COL10A1: variants seen among roughly 807,000 people sequenced by gnomAD.
COL10A1 encodes collagen alpha-1(X) chain.
A neutral mutation model predicts 18.2 loss-of-function variants in COL10A1; 10 were observed. The ratio of observed to expected loss-of-function variants is 0.55; its 90% CI spans 0.34 to 0.93. The LOEUF is 0.93. COL10A1 is among the 40% of genes least tolerant of loss of function. The pLI is 0.02. For missense variants in COL10A1, 897 were observed against 853.5 expected, an observed-to-expected ratio of 1.05 and a Z score of -0.64; for synonymous variants, 330 against 316.6, an observed-to-expected ratio of 1.04 and a Z score of -0.45.
At chr6:116,196,156 C>A in the COL10A1 span, among the ~76,000 whole-genome samples, 1 of 152,026 alleles carries the variant, frequency 6.6e-6, no homozygotes, top group African/African-American at 2.4e-5. Context: ...GTCGTCCTTT[C>A]CTTATTACTC....
At chr6:116,210,113 T>C in the COL10A1 span, among the ~76,000 whole-genome samples, 1 of 151,616 alleles carries the variant, frequency 6.6e-6, no homozygotes, top group Non-Finnish European at 1.5e-5. Context: ...ATTCTAGATA[T>C]AATTAGAATG....
At chr6:116,123,984 T>A (rs972708345) in intron 2 of COL10A1, among the ~76,000 whole-genome samples, 2 of 152,198 alleles carry the variant, frequency 1.3e-5, no homozygotes, top group African/African-American at 4.8e-5. Context: ...TGTCATAGCA[T>A]TTCAAATTGT....
At position 116,120,759 on chromosome 6, in the gene COL10A1, G is replaced by A. The variant is rs1408657631; in HGVS notation, c.1357C>T (p.Pro453Ser). ...CCTGGAATGCCTGGTGGCCCAATAG[G>A]GCCTCTAGTACCTGGTATTCCAGGG... ...GAPGIPGTRGPIGPPGIPGFP... is the reference protein window; with the variant it reads ...GAPGIPGTRGSIGPPGIPGFP... Residue 453 changes from proline (P) to serine (S), a missense_variant, in exon 3 of 3, where the codon CCT becomes TCT. Transcript: ENST00000651968. 15 of 1,609,686 alleles carry A rather than the reference G, an allele frequency of 9.3e-6. No homozygotes were observed. Among genetic ancestry groups the A allele is most frequent in the Non-Finnish European group, 1.3e-5 (15 of 1,178,382 alleles).
the COL10A1 span, among the ~76,000 whole-genome samples, chr6:116,169,248 T>C: frequency 3.9e-5 from 6 of 152,226 alleles, no homozygotes; most frequent in Non-Finnish European, 5.9e-5. Context: ...TAAGCAGGTA[T>C]TTTTTAAAGT....
intron 1 of COL10A1, among the ~76,000 whole-genome samples, chr6:116,150,974 T>C (rs1376758480): frequency 6.6e-6 from 1 of 152,246 alleles, no homozygotes; most frequent in Non-Finnish European, 1.5e-5. Context: ...ATTTTATGAT[T>C]TTTTGACAGG....
chr6:116,142,622 A>G (rs1779796299), intron 1 of COL10A1, among the ~76,000 whole-genome samples: 1 of 152,190 alleles, frequency 6.6e-6, no homozygotes, highest in Non-Finnish European at 1.5e-5. Flanking sequence ...GAATGTCTTC[A>G]GCGAGCTGGG....
At chr6:116,125,043 A>G (rs1019323954) in intron 2 of COL10A1, among the ~76,000 whole-genome samples, 5 of 152,214 alleles carry the variant, frequency 3.3e-5, no homozygotes, top group African/African-American at 1.2e-4. Context: ...AGATTTCTGG[A>G]TTACATGCAG....
upstream of COL10A1, among the ~76,000 whole-genome samples, chr6:116,129,709 C>T (rs189776022): frequency 4.6e-5 from 7 of 152,276 alleles, no homozygotes; most frequent in African/African-American, 1.4e-4. Context: ...CTGTGGCATT[C>T]TGTTATAGTA....
chr6:116,121,336 T>C lies in COL10A1; in HGVS notation c.780A>G (p.Pro260=). 6.2e-7 allele frequency: 1 copy of C among 1,614,110 alleles called. No individual in the cohort carries two copies. Among genetic ancestry groups the C allele is most frequent in the Admixed American group, 1.7e-5 (1 of 60,030 alleles). ...CAGCTCCTGGCTTTCCAATGCCTTCTGGCCCTCGTTCCCCAGGAGGGCCTT... is the reference window on the plus strand; with the variant it reads ...CAGCTCCTGGCTTTCCAATGCCTTCCGGCCCTCGTTCCCCAGGAGGGCCTT... ...GPQGPPGERG[P]EGIGKPGAAG... The change falls in exon 3 of 3, where the codon CCA becomes CCG. Residue 260 remains proline, a synonymous_variant. Transcript: ENST00000651968.
At chr6:116,166,912 A>G in the COL10A1 span, among the ~76,000 whole-genome samples, 2 of 152,214 alleles carry the variant, frequency 1.3e-5, no homozygotes, top group Non-Finnish European at 2.9e-5. Flanking sequence ...GAATTGAGCC[A>G]AAGAATTGAG....
chr6:116,212,108 T>A, the COL10A1 span, among the ~76,000 whole-genome samples: 1 of 152,136 alleles, frequency 6.6e-6, no homozygotes, highest in Non-Finnish European at 1.5e-5. Context: ...ATTTTATCAA[T>A]TCTTTTTCAA....
At chr6:116,155,389 A>G (rs974549600) in intron 1 of COL10A1, among the ~76,000 whole-genome samples, 2 of 152,172 alleles carry the variant, frequency 1.3e-5, no homozygotes, top group African/African-American at 4.8e-5. Context: ...TCACTCGCCA[A>G]CACAAACATC....
chr6:116,191,397 A>C, the COL10A1 span, among the ~76,000 whole-genome samples: 2 of 151,962 alleles, frequency 1.3e-5, no homozygotes, highest in African/African-American at 4.8e-5. Context: ...TCTCTCTGGA[A>C]GGGGAAGGAG....
At chr6:116,169,169 T>C in the COL10A1 span, among the ~76,000 whole-genome samples, 1 of 152,120 alleles carries the variant, frequency 6.6e-6, no homozygotes, top group Non-Finnish European at 1.5e-5. Context: ...CTTTCTGGGT[T>C]TCTCTTTTCC....
chr6:116,196,149 G>A, the COL10A1 span, among the ~76,000 whole-genome samples: 1 of 151,952 alleles, frequency 6.6e-6, no homozygotes, highest in Non-Finnish European at 1.5e-5. Flanking sequence ...AAGGACAGTC[G>A]TCCTTTCCTT....
intron 1 of COL10A1, among the ~76,000 whole-genome samples, chr6:116,151,087 C>T (rs1780025273): frequency 6.6e-6 from 1 of 151,892 alleles, no homozygotes; most frequent in Non-Finnish European, 1.5e-5. Flanking sequence ...TGTGAATTTG[C>T]TCAGGGATTA....
the COL10A1 span, among the ~76,000 whole-genome samples, chr6:116,166,026 G>A: frequency 2.0e-5 from 3 of 152,176 alleles, no homozygotes; most frequent in East Asian, 5.8e-4. Context: ...AATCCGCACT[G>A]ACAGCATTGC....
chr6:116,125,059 T>A (rs184767460), intron 2 of COL10A1, among the ~76,000 whole-genome samples: 1 of 152,364 alleles, frequency 6.6e-6, no homozygotes, highest in East Asian at 1.9e-4. Context: ...TGCAGTTATT[T>A]GTGCAAAAGC....
At chr6:116,202,275 T>G in the COL10A1 span, among the ~76,000 whole-genome samples, 1 of 151,934 alleles carries the variant, frequency 6.6e-6, no homozygotes, top group African/African-American at 2.4e-5. Context: ...TGTAGTACCT[T>G]TTTTTCTTAT....
Sources: allele counts gnomAD v4.1 joint callset (sites outside exome capture counted in the v4.1 genomes callset), GRCh38; gene constraint gnomAD v4.1.1; transcripts MANE v1.5; gene names NCBI Gene and HGNC (gene_info 2026-07-23, HGNC 2026-07-21).